The following TDRD3 variants were observed in gnomAD, a reference collection of about 807,000 sequenced individuals.
The protein encoded by TDRD3 is tudor domain containing 3.
In TDRD3, 45 loss-of-function variants were observed where a neutral mutation model predicts 86.7. That is an observed-to-expected ratio of 0.52 (90% confidence interval 0.41 to 0.67). The LOEUF (loss-of-function observed/expected upper bound fraction) is 0.67. TDRD3 is among the 30% of genes least tolerant of loss of function. The probability of loss-of-function intolerance (pLI) is 0.00; values close to 1 mark genes in which losing one functional copy is unlikely to be tolerated. For missense variants in TDRD3, 814 were observed against 889.0 expected (o/e 0.92, Z 1.07); for synonymous variants, 298 against 301.7 (o/e 0.99, Z 0.13).
intron 10 of TDRD3, among the ~76,000 whole-genome samples, chr13:60,516,356 A>G (rs1957169344): frequency 6.6e-6 from 1 of 152,166 alleles, no homozygotes; most frequent in South Asian, 2.1e-4. Flanking sequence ...GAAATAATTG[A>G]TTATCACATT....
At chr13:60,500,495 A>G (rs1956808165) in intron 8 of TDRD3, among the ~76,000 whole-genome samples, 1 of 152,128 alleles carries the variant, frequency 6.6e-6, no homozygotes, top group African/African-American at 2.4e-5. Flanking sequence ...TCTGCACAAT[A>G]TGCAGGCACC....
chr13:60,413,062 T>A (rs1205330718), intron 1 of TDRD3, among the ~76,000 whole-genome samples: 1 of 151,702 alleles, frequency 6.6e-6, no homozygotes, highest in Admixed American at 6.6e-5. Flanking sequence ...TTTTTTTGCC[T>A]AAGTACCCAA....
chr13:60,512,232 C>G (rs1957075703), intron 10 of TDRD3, among the ~76,000 whole-genome samples: 1 of 152,110 alleles, frequency 6.6e-6, no homozygotes, highest in South Asian at 2.1e-4. Flanking sequence ...GCCATCAGAT[C>G]TTGTGAGACT....
intron 6 of TDRD3, among the ~76,000 whole-genome samples, chr13:60,485,100 A>C (rs1994971): frequency 0.14 from 20,933 of 152,082 alleles, 1,507 homozygotes; most frequent in East Asian, 0.2. Context: ...TCAATATGAT[A>C]TGTTTATATT....
intron 1 of TDRD3, among the ~76,000 whole-genome samples, chr13:60,403,000 C>G (rs1365163256): frequency 6.6e-6 from 1 of 152,182 alleles, no homozygotes; most frequent in African/African-American, 2.4e-5. Flanking sequence ...AGGTAATAAG[C>G]CTTGCCGACT....
chr13:60,413,787 A>G (rs1406520713), intron 1 of TDRD3, among the ~76,000 whole-genome samples: 3 of 152,150 alleles, frequency 2.0e-5, no homozygotes, highest in Non-Finnish European at 4.4e-5. Flanking sequence ...TAAAATCTTT[A>G]TATCTTATGG....
intron 1 of TDRD3, among the ~76,000 whole-genome samples, chr13:60,415,045 A>G (rs1258886557): frequency 3.3e-5 from 5 of 152,118 alleles, no homozygotes; most frequent in Non-Finnish European, 1.5e-5. Context: ...TTTGGTAGCC[A>G]ATCATATTTA....
At chr13:60,400,693 G>A (rs1008101762) in intron 1 of TDRD3, among the ~76,000 whole-genome samples, 1 of 150,438 alleles carries the variant, frequency 6.6e-6, no homozygotes, top group African/African-American at 2.5e-5. Context: ...AGTCGAGATT[G>A]CACCATTGCA....
intron 5 of TDRD3, among the ~76,000 whole-genome samples, chr13:60,474,356 G>C (rs545793586): frequency 1.3e-4 from 20 of 152,054 alleles, no homozygotes; most frequent in Non-Finnish European, 2.5e-4. Context: ...CGGTCTCCGC[G>C]CCTTGGTGGT....
chr13:60,475,440 G>A (rs930780902), intron 5 of TDRD3, among the ~76,000 whole-genome samples: 1 of 152,150 alleles, frequency 6.6e-6, no homozygotes, highest in African/African-American at 2.4e-5. Context: ...CTTATTTATG[G>A]CTGTGTAGTA....
At chr13:60,442,233 T>C (rs1841681045) in intron 2 of TDRD3, among the ~76,000 whole-genome samples, 1 of 152,172 alleles carries the variant, frequency 6.6e-6, no homozygotes, top group Non-Finnish European at 1.5e-5. Context: ...GATAGACCAG[T>C]CTTAAATTAC....
intron 8 of TDRD3, among the ~76,000 whole-genome samples, chr13:60,498,902 A>G (rs1956773285): frequency 6.6e-6 from 1 of 152,142 alleles, no homozygotes; most frequent in Admixed American, 6.5e-5. Context: ...CAGGAAATTA[A>G]AGGAGTTTTA....
At chr13:60,491,351 C>T (rs1236162536) in intron 7 of TDRD3, among the ~76,000 whole-genome samples, 3 of 152,042 alleles carry the variant, frequency 2.0e-5, no homozygotes, top group Non-Finnish European at 4.4e-5. Flanking sequence ...TAGATACATG[C>T]ACTTGAGAGT....
chr13:60,529,336 A>AG, intron 11 of TDRD3, 119 bp downstream of exon 11: 2 of 1,137,220 alleles, frequency 1.8e-6, no homozygotes, highest in Non-Finnish European at 2.4e-6. Flanking sequence ...ACCTGTTTAA[A>AG]ATCTTTGAAC....
chr13:60,560,981 G>T (rs1302046397), intron 12 of TDRD3, among the ~76,000 whole-genome samples: 1 of 152,092 alleles, frequency 6.6e-6, no homozygotes, highest in East Asian at 1.9e-4. Context: ...TAAATAAAAT[G>T]TGCTGGATGA....
At position 60,460,425 on chromosome 13, in the gene TDRD3, G is replaced by C; in HGVS notation, c.238G>C (p.Ala80Pro). 1 of 1,604,302 alleles carries C rather than the reference G, an allele frequency of 6.2e-7. No homozygotes were observed. The highest frequency in any genetic ancestry group is 8.5e-7 in the Non-Finnish European group (1 of 1,177,560). Reference protein sequence around the residue: ...VLQIQKIRNVAAPKDNEESQA... With the variant: ...VLQIQKIRNVPAPKDNEESQA... Reference sequence around the variant, plus strand: ...GCAAATTCAAAAAATTCGCAATGTTGCTGCACCAAAGGATAATGAAGAATC... The same window carrying C: ...GCAAATTCAAAAAATTCGCAATGTTCCTGCACCAAAGGATAATGAAGAATC... Residue 80 changes from alanine to proline, a missense_variant, in exon 4 of 14, where the codon GCT (alanine) becomes CCT (proline). Ala to Pro is a conservative substitution (Grantham distance 27, BLOSUM62 -1). Transcript: ENST00000377881.
At chr13:60,437,068 T>C (rs1463192845) in intron 1 of TDRD3, among the ~76,000 whole-genome samples, 1 of 151,964 alleles carries the variant, frequency 6.6e-6, no homozygotes, top group Non-Finnish European at 1.5e-5. Flanking sequence ...CTGGCTTTTT[T>C]TAATGAGATT....
intron 1 of TDRD3, among the ~76,000 whole-genome samples, chr13:60,404,845 C>A (rs895672364): frequency 6.6e-6 from 1 of 152,200 alleles, no homozygotes; most frequent in African/African-American, 2.4e-5. Context: ...CCCATAATCC[C>A]CACATGTTGT....
chr13:60,476,221 A>G (rs1351135758), intron 5 of TDRD3, among the ~76,000 whole-genome samples: 1 of 152,118 alleles, frequency 6.6e-6, no homozygotes, highest in African/African-American at 2.4e-5. Context: ...TTTGCGTATG[A>G]TGACTGGAAG....
Sources: gnomAD v4.1 joint callset for allele counts (sites outside exome capture counted in the v4.1 genomes callset) on GRCh38, gnomAD v4.1.1 for gene constraint, MANE v1.5 for transcripts, NCBI Gene and HGNC (gene_info 2026-07-23, HGNC 2026-07-21) for gene names.